The following PHLPP1 variants were observed in gnomAD, a reference collection of about 807,000 sequenced individuals.
The protein encoded by PHLPP1 is PH domain and leucine rich repeat protein phosphatase 1.
PHLPP1 carries 42 observed loss-of-function variants against 117.2 expected under a neutral mutation model. That is an observed-to-expected ratio of 0.36 (90% CI 0.28 to 0.46). PHLPP1 has a LOEUF of 0.46. Among genes scored for constraint, PHLPP1 ranks in the 20% least tolerant of loss-of-function variants. The pLI, the probability that PHLPP1 is intolerant of heterozygous loss-of-function variation, is 1.00. For missense variants in PHLPP1, 2,084 were observed against 2,241.9 expected, an observed-to-expected ratio of 0.93 and a Z score of 1.42; for synonymous variants, 1,042 against 970.7, an observed-to-expected ratio of 1.07 and a Z score of -1.37.
At chr18:62,892,129 C>G (rs1916441288) in intron 4 of PHLPP1, among the ~76,000 whole-genome samples, 1 of 134,708 alleles carries the variant, frequency 7.4e-6, no homozygotes, top group Non-Finnish European at 1.5e-5. Context: ...GCTCCTGTCA[C>G]CCAGGCTGGA....
chr18:62,813,677 C>A (rs1317257509), intron 1 of PHLPP1, among the ~76,000 whole-genome samples: 1 of 152,156 alleles, frequency 6.6e-6, no homozygotes, highest in South Asian at 2.1e-4. Context: ...ATCTCACGCT[C>A]CTGCCCAGAA....
At chr18:62,977,001 GAT>G (rs1911207181) in intron 16 of PHLPP1, among the ~76,000 whole-genome samples, 1 of 152,188 alleles carries the variant, frequency 6.6e-6, no homozygotes, top group Admixed American at 6.5e-5. Flanking sequence ...CATTGGTTTT[GAT>G]AGAGAGAAAT....
intron 3 of PHLPP1, among the ~76,000 whole-genome samples, chr18:62,841,825 T>A (rs1025880366): frequency 2.0e-5 from 3 of 152,208 alleles, no homozygotes; most frequent in Non-Finnish European, 4.4e-5. Context: ...GATTTGATTA[T>A]CTTAGATTAC....
At position 62,785,548 on chromosome 18, in the gene PHLPP1, G is replaced by A. The variant is rs1055158213; in HGVS notation, c.1577-44487G>A. ...TTTATAGATTAGTAACATCCTTCTG[G>A]GGAGAAGAAAATGGCATTAATATAG... On this transcript the variant is annotated intron_variant, in intron 1 of 16. Coordinates refer to ENST00000262719, the MANE Select transcript of PHLPP1 (RefSeq NM_194449.4). Among the ~76,000 whole-genome samples the A allele has an allele frequency of 2.4e-4, 37 of 152,130 alleles. 1 individual carries two copies. Among genetic ancestry groups the A allele is most frequent in the Admixed American group, 2.2e-3 (34 of 15,274 alleles).
intron 1 of PHLPP1, among the ~76,000 whole-genome samples, chr18:62,823,833 TA>T (rs1217711244): frequency 1.3e-5 from 2 of 152,076 alleles, no homozygotes; most frequent in Non-Finnish European, 2.9e-5. Context: ...CTAGAATGGC[TA>T]AAAGTGTTGA....
At chr18:62,728,025 G>C (rs892019634) in intron 1 of PHLPP1, among the ~76,000 whole-genome samples, 3 of 152,116 alleles carry the variant, frequency 2.0e-5, no homozygotes, top group African/African-American at 7.2e-5. Context: ...GGTGGCTCAC[G>C]CGTGTAATCC....
Position 62,716,428 on chromosome 18 carries a change from G to A in PHLPP1, c.745G>A (p.Gly249Ser). 7.2e-7 allele frequency: 1 copy of A among 1,386,900 alleles called. No homozygotes were observed. 85.9% of individuals were successfully genotyped at this position (1,386,900 alleles called of 1,614,324 possible). A position where few individuals can be genotyped will look rare whatever the true frequency, so the allele number is the denominator to read the frequency against. The change falls in exon 1 of 17, where the codon GGC becomes AGC. Residue 249 changes from glycine to serine, a missense_variant. Coordinates refer to ENST00000262719, the MANE Select transcript of PHLPP1 (RefSeq NM_194449.4). This position sits in a 1 kb window ranked among gnomAD's most constrained non-coding sequence, Gnocchi z 5.7. Reference protein sequence around the residue: ...HKGGGVVKVLGQGPGAAAARE... With the variant: ...HKGGGVVKVLSQGPGAAAARE... ...AGGCGGCGGCGTGGTGAAGGTGCTG[G>A]GCCAGGGGCCCGGAGCCGCCGCCGC...
At chr18:62,918,199 C>T in intron 9 of PHLPP1, among the ~76,000 whole-genome samples, 4 of 95,024 alleles carry the variant, frequency 4.2e-5, no homozygotes, top group East Asian at 5.3e-4. Context: ...GAGTGAGACT[C>T]TGTCTCAAAA....
chr18:62,874,076 C>T (rs1461374494), intron 4 of PHLPP1, among the ~76,000 whole-genome samples: 2 of 150,390 alleles, frequency 1.3e-5, no homozygotes, highest in Admixed American at 6.7e-5. Flanking sequence ...CCCAGCTACT[C>T]GTGAGGCTGA....
intron 6 of PHLPP1, among the ~76,000 whole-genome samples, chr18:62,902,086 A>C (rs968772130): frequency 6.6e-6 from 1 of 152,108 alleles, no homozygotes; most frequent in East Asian, 1.9e-4. Flanking sequence ...TTTGAAGCTA[A>C]ATATGTCTTT....
At chr18:62,867,975 C>T (rs1005777617) in intron 4 of PHLPP1, among the ~76,000 whole-genome samples, 1 of 152,072 alleles carries the variant, frequency 6.6e-6, no homozygotes, top group Non-Finnish European at 1.5e-5. Flanking sequence ...CCACGCCCGG[C>T]TAATTTTTCT....
At chr18:62,924,532 C>T (rs796937915) in intron 10 of PHLPP1, among the ~76,000 whole-genome samples, 1 of 151,826 alleles carries the variant, frequency 6.6e-6, no homozygotes, top group Non-Finnish European at 1.5e-5. Context: ...TTACGTGATA[C>T]TGTCTGTTAA....
At chr18:62,959,014 G>C (rs1212047719) in intron 13 of PHLPP1, among the ~76,000 whole-genome samples, 1 of 152,196 alleles carries the variant, frequency 6.6e-6, no homozygotes, top group Non-Finnish European at 1.5e-5. Context: ...GGATGATGTA[G>C]GGAAAATTAA....
Position 62,975,639 on chromosome 18 carries a change from G to A in PHLPP1, c.3984+14G>A, listed in dbSNP as rs770535687. On this transcript the variant is annotated intron_variant, in intron 16 of 16. Coordinates refer to ENST00000262719, the MANE Select transcript of PHLPP1 (RefSeq NM_194449.4). ...ATTATCACTGAGGTGAGAAAACAGG[G>A]GTGTTGCCCAGGATGGTGGAGAGGA... 1 of 1,556,518 alleles carries A rather than the reference G, an allele frequency of 6.4e-7. No individual in the cohort carries two copies. Among genetic ancestry groups the A allele is most frequent in the South Asian group, 1.1e-5 (1 of 89,958 alleles).
intron 10 of PHLPP1, among the ~76,000 whole-genome samples, chr18:62,922,408 G>C (rs1201704105): frequency 6.6e-6 from 1 of 152,112 alleles, no homozygotes; most frequent in Non-Finnish European, 1.5e-5. Flanking sequence ...AAGTGCTGGG[G>C]TTACAGGCAT....
At chr18:62,751,732 T>G (rs1249658593) in intron 1 of PHLPP1, among the ~76,000 whole-genome samples, 1 of 151,946 alleles carries the variant, frequency 6.6e-6, no homozygotes, top group Non-Finnish European at 1.5e-5. Flanking sequence ...TCATTTGGGG[T>G]GGATGGAGGG....
chr18:62,732,879 A>C (rs944550122), intron 1 of PHLPP1, among the ~76,000 whole-genome samples: 1 of 152,212 alleles, frequency 6.6e-6, no homozygotes, highest in Non-Finnish European at 1.5e-5. Flanking sequence ...AAGAACTACA[A>C]TTAGAAGTGG....
intron 10 of PHLPP1, among the ~76,000 whole-genome samples, chr18:62,939,913 T>TA (rs1246904192): frequency 6.6e-6 from 1 of 151,902 alleles, no homozygotes; most frequent in Non-Finnish European, 1.5e-5. Flanking sequence ...TTTTTTTTTT[T>TA]AACAGATGGC....
In PHLPP1 at chr18:62,775,807, G is replaced by A. The variant is rs1277930331; in HGVS notation, c.1577-54228G>A. Among the ~76,000 whole-genome samples the A allele has an allele frequency of 5.9e-5, 9 of 152,026 alleles. No individual in the cohort carries two copies. The South Asian group carries it at 1.0e-3, about 18-fold the overall frequency. On this transcript the variant is annotated intron_variant, in intron 1 of 16. Coordinates refer to ENST00000262719, the MANE Select transcript of PHLPP1 (RefSeq NM_194449.4). Reference sequence around the variant, plus strand: ...CACAGTCAAGATATAAAAGATTTCCGTCATCCCCAGAAGTTTTCTCATGCC... The same window carrying A: ...CACAGTCAAGATATAAAAGATTTCCATCATCCCCAGAAGTTTTCTCATGCC...
Sources: allele counts gnomAD v4.1 joint callset (sites outside exome capture counted in the v4.1 genomes callset), GRCh38; gene constraint gnomAD v4.1.1; non-coding constraint Gnocchi (gnomAD v3.1); transcripts MANE v1.5; gene names NCBI Gene and HGNC (gene_info 2026-07-23, HGNC 2026-07-21).